CDC5L: variants seen among roughly 807,000 people sequenced by gnomAD.
The protein encoded by CDC5L is cell division cycle 5 like.
Under a neutral mutation model 104.1 loss-of-function variants are expected in CDC5L, and 18 were observed. The observed-to-expected ratio is 0.17, with a 90% CI of 0.12 to 0.26. The LOEUF is 0.26. Ranked by LOEUF, CDC5L falls within the 10% of genes least tolerant of loss-of-function variation. The pLI, the probability that CDC5L is intolerant of heterozygous loss-of-function variation, is 1.00. For synonymous variants in CDC5L, 331 were observed against 322.7 expected, an observed-to-expected ratio of 1.03 and a Z score of -0.28; for missense variants, 673 against 956.9, an observed-to-expected ratio of 0.70 and a Z score of 3.91.
intron 14 of CDC5L, among the ~76,000 whole-genome samples, chr6:44,436,078 G>A (rs904468460): frequency 2.0e-5 from 3 of 152,008 alleles, no homozygotes; most frequent in Admixed American, 2.0e-4. Context: ...GTGCCCAGCC[G>A]AGTAATTGTT....
At chr6:44,411,641 T>A (rs1332687677) in intron 8 of CDC5L, among the ~76,000 whole-genome samples, 2 of 126,474 alleles carry the variant, frequency 1.6e-5, no homozygotes, top group African/African-American at 5.7e-5. Flanking sequence ...AGAGAGAGTG[T>A]GTGTGTGTGT....
chr6:44,436,314 A>C (rs1792935896), intron 14 of CDC5L, among the ~76,000 whole-genome samples: 1 of 152,140 alleles, frequency 6.6e-6, no homozygotes, highest in African/African-American at 2.4e-5. Context: ...ATATTCTGTA[A>C]ATTTTGAGGA....
At chr6:44,408,099 C>G (rs1049729917) in intron 7 of CDC5L, among the ~76,000 whole-genome samples, 1 of 152,094 alleles carries the variant, frequency 6.6e-6, no homozygotes, top group Non-Finnish European at 1.5e-5. Flanking sequence ...GAATTTTCCC[C>G]TCACATTCTG....
rs1477075407 is a variant in CDC5L at position 44,448,920 on chromosome 6, T to C, written c.*2209T>C. ...AATGGCTCTGGAACTTTAAACAGTA[T>C]ACCATTTGGGCATCTATTAAAGCAT... On this transcript the variant is annotated 3_prime_UTR_variant, in exon 16 of 16. Coordinates refer to ENST00000371477, the MANE Select transcript of CDC5L (RefSeq NM_001253.4). The C allele has an allele frequency of 6.6e-6, 1 of 152,224 alleles. No homozygotes were observed. The highest frequency in any genetic ancestry group is 1.5e-5 in the Non-Finnish European group (1 of 68,026). 9.4% of individuals were successfully genotyped at this position (152,224 alleles called of 1,614,324 possible).
rs1470120373 is a variant in CDC5L at position 44,391,000 on chromosome 6, AAT to A, written c.149+632_149+633del. Among the ~76,000 whole-genome samples, 11 of 122,126 alleles carry A rather than the reference AAT, an allele frequency of 9.0e-5. No individual in the cohort carries two copies. The South Asian group carries it at 3.0e-3, about 33-fold the overall frequency. 80.1% of individuals were successfully genotyped at this position (122,126 alleles called of 152,430 possible). A position where few individuals can be genotyped will look rare whatever the true frequency, so the allele number is the denominator to read the frequency against. On this transcript the variant is annotated intron_variant, in intron 2 of 15. Coordinates refer to ENST00000371477, the MANE Select transcript of CDC5L (RefSeq NM_001253.4). Reference sequence around the variant, plus strand: ...TATATATTATATATTAAACATATTTAATATGTTATATATTATATATTAAACAT... The same window carrying A: ...TATATATTATATATTAAACATATTTAATGTTATATATTATATATTAAACAT...
chr6:44,446,563 GTA>G (rs1793462598), intron 15 of CDC5L, 42 bp from the exon 16 acceptor site: 1 of 890,776 alleles, frequency 1.1e-6, no homozygotes, highest in South Asian at 1.7e-5. Context: ...ATTTTTTTCA[GTA>G]TAGTTACATC....
chr6:44,402,500 A>G (rs993285372), intron 5 of CDC5L, among the ~76,000 whole-genome samples: 1 of 152,206 alleles, frequency 6.6e-6, no homozygotes, highest in Non-Finnish European at 1.5e-5. Flanking sequence ...TAGTGAGTTT[A>G]TGGAGTTCCT....
intron 8 of CDC5L, among the ~76,000 whole-genome samples, chr6:44,409,391 A>G (rs1791530567): frequency 6.6e-6 from 1 of 151,986 alleles, no homozygotes; most frequent in South Asian, 2.1e-4. Context: ...CTATTCCCCT[A>G]TTGTCTGTTA....
Position 44,390,466 on chromosome 6 carries a change from A to G in CDC5L, c.149+95A>G, listed in dbSNP as rs1001259564. On this transcript the variant is annotated intron_variant, in intron 2 of 15. Coordinates refer to ENST00000371477, the MANE Select transcript of CDC5L (RefSeq NM_001253.4). ...GTGAACCTTATCAAAGAAAGCAGAC[A>G]TTGTAATATAACAAGGCATGGAGTG... 6.4e-6 allele frequency: 5 copies of G among 785,154 alleles called. No homozygotes were observed. In the South Asian group the frequency reaches 8.4e-5, roughly 13 times the overall value. 48.6% of individuals were successfully genotyped at this position (785,154 alleles called of 1,614,324 possible). A position where few individuals can be genotyped will look rare whatever the true frequency, so the allele number is the denominator to read the frequency against.
At chr6:44,423,758 C>T (rs940935839) in intron 10 of CDC5L, among the ~76,000 whole-genome samples, 1 of 152,176 alleles carries the variant, frequency 6.6e-6, no homozygotes, top group Non-Finnish European at 1.5e-5. Context: ...TTTCTTTCTT[C>T]TGCATGGGAT....
chr6:44,435,298 GT>G (rs1792881208), intron 14 of CDC5L, among the ~76,000 whole-genome samples: 1 of 151,530 alleles, frequency 6.6e-6, no homozygotes, highest in South Asian at 2.1e-4. Flanking sequence ...TTTTCTTATA[GT>G]TTTATAGCTT....
At chr6:44,442,100 C>G (rs1793223396) in intron 14 of CDC5L, among the ~76,000 whole-genome samples, 1 of 151,874 alleles carries the variant, frequency 6.6e-6, no homozygotes, top group African/African-American at 2.4e-5. Flanking sequence ...CCATGCCCGG[C>G]TAATTTTTAT....
intron 13 of CDC5L, 74 bp downstream of exon 13, chr6:44,426,798 G>A: frequency 7.1e-7 from 1 of 1,417,598 alleles, no homozygotes; most frequent in Non-Finnish European, 9.7e-7. Flanking sequence ...GACAAATAAT[G>A]AACTTATTTT....
At chr6:44,408,861 G>A (rs1791499025) in intron 8 of CDC5L, among the ~76,000 whole-genome samples, 1 of 152,128 alleles carries the variant, frequency 6.6e-6, no homozygotes, top group South Asian at 2.1e-4. Context: ...TTTGAAGCCA[G>A]CCCTTCTACC....
At chr6:44,396,580 A>G in intron 5 of CDC5L, 140 bp downstream of exon 5, 1 of 586,186 alleles carries the variant, frequency 1.7e-6, no homozygotes, top group Non-Finnish European at 3.1e-6. Flanking sequence ...TCTGCAGTGG[A>G]TAGCTGGGTG....
rs944548727 is a variant in CDC5L at position 44,425,531 on chromosome 6, AGG to A, written c.1570-569_1570-568del. 2.9e-4 allele frequency among the ~76,000 whole-genome samples: 37 copies of A among 126,020 alleles called. 2 individuals carry two copies. The East Asian group carries it at 0.024, about 83-fold the overall frequency. The allele number at this position is 126,020 out of a possible 152,430, so 82.7% of individuals were successfully genotyped here. ...GATGATTTTAGGGACCTTGAATCTC[AGG>A]GGATTGGAGTGAGAATGACATCAGT... is the stretch of plus-strand genomic sequence containing the variant. On this transcript the variant is annotated intron_variant, in intron 11 of 15. Coordinates refer to ENST00000371477, the MANE Select transcript of CDC5L (RefSeq NM_001253.4).
At chr6:44,433,736 C>T (rs1374364285) in intron 14 of CDC5L, among the ~76,000 whole-genome samples, 1 of 152,130 alleles carries the variant, frequency 6.6e-6, no homozygotes, top group African/African-American at 2.4e-5. Context: ...CACTTAAAAT[C>T]CTTCTCAGTG....
intron 9 of CDC5L, among the ~76,000 whole-genome samples, chr6:44,421,535 A>C (rs1792171439): frequency 6.6e-6 from 1 of 152,216 alleles, no homozygotes; most frequent in Non-Finnish European, 1.5e-5. Flanking sequence ...ACACTTCTTG[A>C]GAGTCTTGTA....
At chr6:44,394,633 A>G (rs544586970) in intron 4 of CDC5L, among the ~76,000 whole-genome samples, 12 of 151,312 alleles carry the variant, frequency 7.9e-5, no homozygotes, top group Admixed American at 2.0e-4. Context: ...AGGTGGGCAG[A>G]TCACTTGAGC....
Sources: allele counts gnomAD v4.1 joint callset (sites outside exome capture counted in the v4.1 genomes callset), GRCh38; gene constraint gnomAD v4.1.1; transcripts MANE v1.5; gene names NCBI Gene and HGNC (gene_info 2026-07-23, HGNC 2026-07-21).